The following FOCAD variants were observed in gnomAD, a reference collection of about 807,000 sequenced individuals.
FOCAD encodes the protein KIAA1797.
Under a neutral mutation model 225.6 loss-of-function variants are expected in FOCAD, and 198 were observed. The observed-to-expected ratio is 0.88, with a 90% CI of 0.78 to 0.99. The LOEUF is 0.99. FOCAD is among the 50% of genes least tolerant of loss of function. The pLI, the probability that FOCAD is intolerant of heterozygous loss-of-function variation, is 0.00. For missense variants in FOCAD, 2,713 were observed against 2,123.6 expected, an observed-to-expected ratio of 1.28 and a Z score of -5.46; for synonymous variants, 897 against 755.0, an observed-to-expected ratio of 1.19 and a Z score of -3.08.
chr9:20,660,193 A>G (rs926039801), intron 2 of FOCAD, among the ~76,000 whole-genome samples: 2 of 152,224 alleles, frequency 1.3e-5, no homozygotes, highest in African/African-American at 4.8e-5. Flanking sequence ...CATCAGCAAT[A>G]ATAACAGCAA....
intron 11 of FOCAD, among the ~76,000 whole-genome samples, chr9:20,792,846 A>G (rs1035843983): frequency 2.0e-5 from 3 of 152,210 alleles, no homozygotes; most frequent in African/African-American, 7.2e-5. Context: ...ATCAAATGTA[A>G]AAGTTGAGTT....
rs748331516 is a variant in FOCAD at position 20,770,130 on chromosome 9, C to G, written c.798C>G (p.Thr266=). 10 of 1,613,954 alleles carry G rather than the reference C, an allele frequency of 6.2e-6. No homozygotes were observed. The highest frequency in any genetic ancestry group is 5.0e-5 in the Admixed American group (3 of 59,978). Residue 266 remains threonine (T), a synonymous_variant, in exon 8 of 44, where the codon ACC becomes ACG. Transcript: ENST00000338382. ...CTGTTTTCTGGAAAATTCAGCTTAC[C>G]CAGATGAGTCTTCAGCTGCTGTGTG... ...RHPVFWKIQL[T]QMSLQLLCVS...
At chr9:20,970,998 T>C (rs1196122202) in intron 35 of FOCAD, among the ~76,000 whole-genome samples, 1 of 152,190 alleles carries the variant, frequency 6.6e-6, no homozygotes, top group Non-Finnish European at 1.5e-5. Flanking sequence ...TTACAGTCTT[T>C]CTTTTCCTCA....
intron 2 of FOCAD, chr9:20,716,126 G>A (rs1441505194): frequency 4.2e-6 from 2 of 480,900 alleles, no homozygotes; most frequent in Admixed American, 3.9e-5. Flanking sequence ...GGGTAGTGGG[G>A]AACCCTTCCA....
At chr9:20,943,261 C>T (rs1431783671) in intron 28 of FOCAD, among the ~76,000 whole-genome samples, 1 of 152,194 alleles carries the variant, frequency 6.6e-6, no homozygotes, top group Non-Finnish European at 1.5e-5. Flanking sequence ...AACAGCAGTT[C>T]TGCCTGACTA....
intron 8 of FOCAD, among the ~76,000 whole-genome samples, chr9:20,771,775 T>C (rs1220023865): frequency 6.6e-6 from 1 of 152,078 alleles, no homozygotes; most frequent in Non-Finnish European, 1.5e-5. Context: ...AATAAACAAA[T>C]AAAATTATTT....
At chr9:20,961,645 A>G (rs1032418405) in intron 35 of FOCAD, among the ~76,000 whole-genome samples, 3 of 152,096 alleles carry the variant, frequency 2.0e-5, no homozygotes, top group Admixed American at 6.6e-5. Context: ...AAAGGGTTCA[A>G]TCTGTCTTTC....
chr9:20,655,945 TG>T (rs1312916996), upstream of FOCAD, among the ~76,000 whole-genome samples: 2 of 152,142 alleles, frequency 1.3e-5, no homozygotes, highest in African/African-American at 4.8e-5. Flanking sequence ...CACACTGCTT[TG>T]AATGTGTCCC....
chr9:20,881,808 G>A (rs908128522), intron 19 of FOCAD, 63 bp from the exon 20 acceptor site: 61 of 1,513,436 alleles, frequency 4.0e-5, no homozygotes, highest in Middle Eastern at 3.5e-4. Context: ...AGTTAAGAAC[G>A]CATGTTTCTC....
chr9:20,905,680 G>A (rs1235036133), intron 21 of FOCAD, among the ~76,000 whole-genome samples: 5 of 151,904 alleles, frequency 3.3e-5, no homozygotes, highest in South Asian at 4.1e-4. Context: ...CCCACATTTT[G>A]GAAATAAAGA....
intron 18 of FOCAD, among the ~76,000 whole-genome samples, 198 bp downstream of exon 18, chr9:20,867,210 A>G (rs1829363130): frequency 6.6e-6 from 1 of 151,912 alleles, no homozygotes; most frequent in Non-Finnish European, 1.5e-5. Flanking sequence ...GAAGACACCT[A>G]TGATGCAAAT....
At chr9:20,735,737 G>A (rs1291882210) in intron 4 of FOCAD, among the ~76,000 whole-genome samples, 1 of 146,620 alleles carries the variant, frequency 6.8e-6, no homozygotes, top group African/African-American at 2.5e-5. Context: ...TGCTCAGGCT[G>A]GTCTCAAACT....
chr9:20,912,965 A>G lies in FOCAD; in HGVS notation c.2807+11A>G, dbSNP rs1194061410. The G allele has an allele frequency of 6.2e-7, 1 of 1,605,782 alleles. No individual in the cohort carries two copies. The highest frequency in any genetic ancestry group is 1.3e-5 in the African/African-American group (1 of 74,818). ...CACAGCCTGGCTCTGGTAAGTGTTC[A>G]TGTTCAGCTGCCCATTATTTGTCAT... On this transcript the variant is annotated intron_variant, in intron 23 of 43. Coordinates refer to ENST00000338382, the MANE Select transcript of FOCAD (RefSeq NM_001375567.1).
chr9:20,838,901 TAA>T (rs781592913), intron 15 of FOCAD, among the ~76,000 whole-genome samples: 12 of 152,142 alleles, frequency 7.9e-5, no homozygotes, highest in Non-Finnish European at 1.5e-4. Context: ...CTTTTATCTT[TAA>T]AAGATAAATT....
At chr9:20,742,132 A>T (rs1827675046) in intron 5 of FOCAD, among the ~76,000 whole-genome samples, 1 of 152,184 alleles carries the variant, frequency 6.6e-6, no homozygotes, top group African/African-American at 2.4e-5. Flanking sequence ...CTCCCCTCTC[A>T]GGGAAGTATT....
At chr9:20,983,244 A>T (rs1840863406) in intron 39 of FOCAD, among the ~76,000 whole-genome samples, 1 of 152,114 alleles carries the variant, frequency 6.6e-6, no homozygotes, top group African/African-American at 2.4e-5. Flanking sequence ...TCTCCAGGTG[A>T]TTCTGGTGTA....
intron 2 of FOCAD, among the ~76,000 whole-genome samples, chr9:20,668,744 G>T (rs1184437656): frequency 6.6e-6 from 1 of 152,184 alleles, no homozygotes; most frequent in East Asian, 1.9e-4. Flanking sequence ...TCAGGAGATT[G>T]AATCCTGACT....
At chr9:20,824,081 G>GT (rs1824624375) in intron 15 of FOCAD, among the ~76,000 whole-genome samples, 1 of 152,066 alleles carries the variant, frequency 6.6e-6, no homozygotes, top group Admixed American at 6.6e-5. Flanking sequence ...CTGATGTGTG[G>GT]TAAGGACAAT....
Position 20,816,581 on chromosome 9 carries a change from T to C in FOCAD, c.1456-3215T>C, listed in dbSNP as rs796634963. On this transcript the variant is annotated intron_variant, in intron 11 of 43. Transcript: ENST00000338382. Reference sequence around the variant, plus strand: ...GTGGTCAGGGTCATTAATGAATTAATGTTTAATTGTCAATGTCTTGGTGGT... The same window carrying C: ...GTGGTCAGGGTCATTAATGAATTAACGTTTAATTGTCAATGTCTTGGTGGT... Among the ~76,000 whole-genome samples, 5 of 152,150 alleles carry C rather than the reference T, an allele frequency of 3.3e-5. No individual in the cohort carries two copies. The South Asian group carries it at 1.0e-3, about 32-fold the overall frequency.
Sources: allele counts gnomAD v4.1 joint callset (sites outside exome capture counted in the v4.1 genomes callset), GRCh38; gene constraint gnomAD v4.1.1; transcripts MANE v1.5; gene names NCBI Gene and HGNC (gene_info 2026-07-23, HGNC 2026-07-21).